The following CACNA2D3 variants were observed in gnomAD, a reference collection of about 807,000 sequenced individuals.
The protein encoded by CACNA2D3 is calcium voltage-gated channel auxiliary subunit alpha2delta 3, also known as voltage-dependent calcium channel subunit alpha-2/delta-3.
A neutral mutation model predicts 160.6 loss-of-function variants in CACNA2D3; 60 were observed. That is an observed-to-expected ratio of 0.37 (90% confidence interval 0.30 to 0.46). The LOEUF is 0.46. Among genes scored for constraint, CACNA2D3 ranks in the 20% least tolerant of loss-of-function variants. The pLI, the probability that CACNA2D3 is intolerant of heterozygous loss-of-function variation, is 1.00. For missense variants in CACNA2D3, 1,205 were observed against 1,365.0 expected, an observed-to-expected ratio of 0.88 and a Z score of 1.85; for synonymous variants, 558 against 492.9, an observed-to-expected ratio of 1.13 and a Z score of -1.75.
chr3:54,409,254 A>G (rs570658929), intron 4 of CACNA2D3, among the ~76,000 whole-genome samples: 16 of 152,300 alleles, frequency 1.1e-4, no homozygotes, highest in Admixed American at 5.9e-4. Context: ...CACTATTGCT[A>G]TATGTGTTAT....
intron 17 of CACNA2D3, among the ~76,000 whole-genome samples, chr3:54,847,720 T>A (rs1698966512): frequency 6.6e-6 from 1 of 152,238 alleles, no homozygotes; most frequent in Non-Finnish European, 1.5e-5. Context: ...TAACTCAGAA[T>A]TATTGAAAAG....
intron 35 of CACNA2D3, among the ~76,000 whole-genome samples, chr3:55,069,097 C>T (rs1211857158): frequency 6.6e-6 from 1 of 152,076 alleles, no homozygotes; most frequent in Non-Finnish European, 1.5e-5. Flanking sequence ...AGATTGAACC[C>T]GCTTTTACCT....
At chr3:54,403,774 C>G (rs1323885926) in intron 4 of CACNA2D3, among the ~76,000 whole-genome samples, 1 of 151,868 alleles carries the variant, frequency 6.6e-6, no homozygotes, top group African/African-American at 2.4e-5. Context: ...AGAGAAGACT[C>G]AAATATATGA....
chr3:54,525,560 A>G lies in CACNA2D3; in HGVS notation c.544+21906A>G, dbSNP rs559142233. 1.1e-3 allele frequency among the ~76,000 whole-genome samples: 162 copies of G among 152,198 alleles called. 2 individuals carry two copies. Among genetic ancestry groups the G allele is most frequent in the East Asian group, 7.7e-4 (4 of 5,184 alleles). On this transcript the variant is annotated intron_variant, in intron 5 of 37. Coordinates refer to ENST00000474759, the MANE Select transcript of CACNA2D3 (RefSeq NM_018398.3). ...CTTTATCTGTTAATATCTTTATTCT[A>G]TATTCATTTTTAAAAAATAGCTATG...
At chr3:54,385,576 T>C (rs754719242) in intron 3 of CACNA2D3, among the ~76,000 whole-genome samples, 2 of 152,226 alleles carry the variant, frequency 1.3e-5, no homozygotes, top group Non-Finnish European at 2.9e-5. Context: ...CTGGCTGGCC[T>C]GTCTCTTTCT....
intron 4 of CACNA2D3, among the ~76,000 whole-genome samples, chr3:54,472,927 G>T (rs918572859): frequency 6.6e-6 from 1 of 152,216 alleles, no homozygotes; most frequent in Non-Finnish European, 1.5e-5. Context: ...TGGATAGGAA[G>T]AATCAGTATC....
At chr3:54,134,352 G>A (rs1289318170) in intron 2 of CACNA2D3, among the ~76,000 whole-genome samples, 1 of 152,116 alleles carries the variant, frequency 6.6e-6, no homozygotes, top group Non-Finnish European at 1.5e-5. Context: ...TGCTCTTTCT[G>A]ACCTGGAGAG....
In CACNA2D3 at chr3:54,845,215, G is replaced by A. The variant is rs74552202; in HGVS notation, c.1552-1178G>A. 4.9e-3 allele frequency among the ~76,000 whole-genome samples: 753 copies of A among 152,316 alleles called. 7 individuals carry two copies. Among genetic ancestry groups the A allele is most frequent in the African/African-American group, 0.016 (679 of 41,568 alleles). On this transcript the variant is annotated intron_variant, in intron 16 of 37. Coordinates refer to ENST00000474759, the MANE Select transcript of CACNA2D3 (RefSeq NM_018398.3). ...ACCATGTGCATATTTGCTTTATGTAGTGCAACGGAAACTTTTAATTGCCAG... is the reference window on the plus strand; with the variant it reads ...ACCATGTGCATATTTGCTTTATGTAATGCAACGGAAACTTTTAATTGCCAG...
At chr3:54,459,686 G>A (rs1700463543) in intron 4 of CACNA2D3, among the ~76,000 whole-genome samples, 1 of 151,524 alleles carries the variant, frequency 6.6e-6, no homozygotes, top group South Asian at 2.1e-4. Context: ...TTTGTCAGAT[G>A]AGTAGGTTGC....
intron 13 of CACNA2D3, among the ~76,000 whole-genome samples, chr3:54,794,887 G>A (rs1041328655): frequency 4.0e-5 from 6 of 151,842 alleles, no homozygotes; most frequent in Admixed American, 6.6e-5. Flanking sequence ...TTTTCTTTTT[G>A]TTTATTTTTC....
At chr3:54,563,421 G>A (rs77812150) in intron 6 of CACNA2D3, among the ~76,000 whole-genome samples, 6,454 of 152,174 alleles carry the variant, frequency 0.042, 449 homozygotes, top group African/African-American at 0.15. Flanking sequence ...TGGCCCAGGC[G>A]TCGCTGACGG....
intron 13 of CACNA2D3, among the ~76,000 whole-genome samples, chr3:54,814,779 C>G (rs762024753): frequency 9.2e-5 from 14 of 151,948 alleles, no homozygotes; most frequent in African/African-American, 3.4e-4. Flanking sequence ...ATGGATGAGT[C>G]AAAAAGAGGT....
chr3:54,243,985 G>T (rs912862650), intron 2 of CACNA2D3, among the ~76,000 whole-genome samples: 1 of 152,158 alleles, frequency 6.6e-6, no homozygotes, highest in Non-Finnish European at 1.5e-5. Flanking sequence ...GCAGATACAG[G>T]AGTCCTGCTC....
intron 2 of CACNA2D3, among the ~76,000 whole-genome samples, chr3:54,280,927 G>T (rs1702864813): frequency 6.6e-6 from 1 of 152,168 alleles, no homozygotes; most frequent in African/African-American, 2.4e-5. Context: ...TTGCTATGGT[G>T]TTGAGCATAC....
chr3:55,071,653 G>T (rs1450135732), intron 35 of CACNA2D3, among the ~76,000 whole-genome samples: 1 of 151,912 alleles, frequency 6.6e-6, no homozygotes, highest in East Asian at 1.9e-4. Context: ...TTTAGGATTG[G>T]TCTGTATCTT....
At chr3:54,838,764 C>G (rs1444529753) in intron 16 of CACNA2D3, 116 bp downstream of exon 16, 2 of 772,002 alleles carry the variant, frequency 2.6e-6, no homozygotes, top group African/African-American at 1.7e-5. Flanking sequence ...ACCACTATTA[C>G]AGCCTGTTAG....
chr3:55,065,062 G>T (rs1310243295), intron 35 of CACNA2D3, among the ~76,000 whole-genome samples: 1 of 152,140 alleles, frequency 6.6e-6, no homozygotes, highest in Non-Finnish European at 1.5e-5. Context: ...TAATTAGCCT[G>T]CTCTGAGTGT....
chr3:54,684,241 T>C (rs1187033908), intron 11 of CACNA2D3, among the ~76,000 whole-genome samples: 1 of 152,166 alleles, frequency 6.6e-6, no homozygotes, highest in Non-Finnish European at 1.5e-5. Flanking sequence ...ATTACAGCTG[T>C]AAGCCACCAC....
At chr3:54,472,408 G>A (rs941475157) in intron 4 of CACNA2D3, among the ~76,000 whole-genome samples, 2 of 152,140 alleles carry the variant, frequency 1.3e-5, no homozygotes, top group African/African-American at 4.8e-5. Context: ...AAAGTAATAA[G>A]AGCTATTTAT....
Sources: allele counts gnomAD v4.1 joint callset (sites outside exome capture counted in the v4.1 genomes callset), GRCh38; gene constraint gnomAD v4.1.1; transcripts MANE v1.5; gene names NCBI Gene and HGNC (gene_info 2026-07-23, HGNC 2026-07-21).